Variants in GRIA4 observed in about 807,000 individuals in gnomAD.
GRIA4 encodes glutamate ionotropic receptor AMPA type subunit 4.
Under a neutral mutation model 104.0 loss-of-function variants are expected in GRIA4, and 34 were observed. The observed-to-expected ratio is 0.33, with a 90% CI of 0.25 to 0.44. GRIA4 has a LOEUF of 0.44. Among genes scored for constraint, GRIA4 ranks in the 20% least tolerant of loss-of-function variants. The pLI is 1.00. For missense variants in GRIA4, 750 were observed against 1,096.5 expected (o/e 0.68, Z 4.46); for synonymous variants, 386 against 381.9 (o/e 1.01, Z -0.13).
intron 4 of GRIA4, among the ~76,000 whole-genome samples, chr11:105,811,594 CTG>C (rs1943175820): frequency 6.6e-6 from 1 of 152,068 alleles, no homozygotes; most frequent in Non-Finnish European, 1.5e-5. Context: ...AAAAATGAGA[CTG>C]GGGTTGAGCT....
intron 4 of GRIA4, among the ~76,000 whole-genome samples, chr11:105,857,609 T>G (rs969470805): frequency 6.6e-6 from 1 of 152,128 alleles, no homozygotes; most frequent in African/African-American, 2.4e-5. Flanking sequence ...TGATATTCCC[T>G]GATTATTTCC....
intron 4 of GRIA4, among the ~76,000 whole-genome samples, chr11:105,758,405 T>C (rs916981501): frequency 2.6e-5 from 4 of 152,184 alleles, no homozygotes; most frequent in South Asian, 2.1e-4. Flanking sequence ...TTTTCTTATA[T>C]GAAAATAAGG....
At chr11:105,630,375 C>T (rs554531950) in intron 3 of GRIA4, among the ~76,000 whole-genome samples, 2 of 122,750 alleles carry the variant, frequency 1.6e-5, no homozygotes, top group South Asian at 6.4e-4. Flanking sequence ...ACCAGCCTGA[C>T]TGACATGGTG....
chr11:105,795,119 G>A (rs544425570), intron 4 of GRIA4, among the ~76,000 whole-genome samples: 67 of 152,176 alleles, frequency 4.4e-4, no homozygotes, highest in Non-Finnish European at 7.6e-4. Context: ...ATGCTGGTGC[G>A]CTGCATAACT....
In GRIA4 at chr11:105,658,783, A is replaced by G. The variant is rs375754631; in HGVS notation, c.247+46349A>G. Among the ~76,000 whole-genome samples, 527 of 151,986 alleles carry G rather than the reference A, an allele frequency of 3.5e-3. 5 individuals carry two copies. Among genetic ancestry groups the G allele is most frequent in the African/African-American group, 0.012 (488 of 41,508 alleles). On this transcript the variant is annotated intron_variant, in intron 3 of 16. Transcript: ENST00000282499. Reference sequence around the variant, plus strand: ...TTTGAGGAAATTTCTAAGAGATGTTATTTGTGAGAAAGTAACAAAATATAA... The same window carrying G: ...TTTGAGGAAATTTCTAAGAGATGTTGTTTGTGAGAAAGTAACAAAATATAA...
At chr11:105,661,813 G>C (rs1952018821) in intron 3 of GRIA4, among the ~76,000 whole-genome samples, 1 of 151,708 alleles carries the variant, frequency 6.6e-6, no homozygotes, top group South Asian at 2.1e-4. Context: ...AACAGGACTA[G>C]AGAAAGATAG....
intron 14 of GRIA4, chr11:105,945,489 C>G: frequency 1.0e-6 from 1 of 962,460 alleles, no homozygotes; most frequent in Non-Finnish European, 1.2e-6. Flanking sequence ...AACTAACCAG[C>G]TCCAGGACCA....
chr11:105,668,620 T>G (rs1050347053), intron 3 of GRIA4, among the ~76,000 whole-genome samples: 2 of 151,096 alleles, frequency 1.3e-5, no homozygotes, highest in African/African-American at 4.9e-5. Context: ...CACCCACCCA[T>G]CAGTATACAA....
chr11:105,780,545 T>C (rs1389279112), intron 4 of GRIA4, among the ~76,000 whole-genome samples: 2 of 152,110 alleles, frequency 1.3e-5, no homozygotes, highest in Non-Finnish European at 2.9e-5. Context: ...TTTTTAGGTA[T>C]TGTATACAAA....
rs912755899 is a variant in GRIA4, at chr11:105,611,160, G to C, written c.88+75G>C. The C allele has an allele frequency of 3.9e-5, 39 of 1,011,504 alleles. No homozygotes were observed. In the Admixed American group the frequency reaches 6.8e-4, roughly 18 times the overall value. 62.7% of individuals were successfully genotyped at this position (1,011,504 alleles called of 1,614,324 possible). On this transcript the variant is annotated intron_variant, in intron 2 of 16. Coordinates refer to ENST00000282499, the MANE Select transcript of GRIA4 (RefSeq NM_000829.4). ...CCGAAAGTGAGTTAAATGAGTTGCT[G>C]ATAAGCAATTCAGGGAAACCTTCAG...
chr11:105,932,885 T>G (rs1775219480), intron 13 of GRIA4, among the ~76,000 whole-genome samples: 1 of 152,104 alleles, frequency 6.6e-6, no homozygotes, highest in Non-Finnish European at 1.5e-5. Context: ...TGGACTGTAT[T>G]TTTGTATATA....
rs577261018 is a variant in GRIA4 at position 105,960,298 on chromosome 11, T to C, written c.2295-11616T>C. ...CCCAGGGAGATGCTAATTCTGTCCC[T>C]GAGCCTCTGGCTGGAGTTACTGGAG... On this transcript the variant is annotated intron_variant, in intron 14 of 16. Coordinates refer to ENST00000282499, the MANE Select transcript of GRIA4 (RefSeq NM_000829.4). Among the ~76,000 whole-genome samples, 5 of 152,338 alleles carry C rather than the reference T, an allele frequency of 3.3e-5. No individual in the cohort carries two copies. The East Asian group carries it at 7.8e-4, about 24-fold the overall frequency.
At chr11:105,723,832 A>T (rs1938002379) in intron 3 of GRIA4, among the ~76,000 whole-genome samples, 1 of 152,138 alleles carries the variant, frequency 6.6e-6, no homozygotes, top group Non-Finnish European at 1.5e-5. Flanking sequence ...AATGAACTCA[A>T]TGCAGCGTCA....
chr11:105,859,221 AT>A (rs1180262883), intron 4 of GRIA4, among the ~76,000 whole-genome samples: 1 of 152,216 alleles, frequency 6.6e-6, no homozygotes, highest in African/African-American at 2.4e-5. Context: ...AAGAGAGCAT[AT>A]TAGAATCAAA....
At chr11:105,792,679 G>A (rs964769055) in intron 4 of GRIA4, among the ~76,000 whole-genome samples, 1 of 151,930 alleles carries the variant, frequency 6.6e-6, no homozygotes, top group African/African-American at 2.4e-5. Context: ...TCAATAAAAG[G>A]AATGGCGGTT....
chr11:105,688,206 T>G (rs1952961732), intron 3 of GRIA4, among the ~76,000 whole-genome samples: 3 of 143,066 alleles, frequency 2.1e-5, no homozygotes, highest in Admixed American at 1.4e-4. Context: ...ATATGCTAAC[T>G]GGCACATTTC....
intron 3 of GRIA4, among the ~76,000 whole-genome samples, chr11:105,743,852 T>C (rs1939481662): frequency 6.6e-6 from 1 of 152,138 alleles, no homozygotes; most frequent in Non-Finnish European, 1.5e-5. Context: ...CTCTTCTTCA[T>C]CCTCCTCATT....
At chr11:105,750,409 A>G (rs1322643478) in intron 3 of GRIA4, among the ~76,000 whole-genome samples, 1 of 152,174 alleles carries the variant, frequency 6.6e-6, no homozygotes, top group African/African-American at 2.4e-5. Context: ...CGAGTGACAG[A>G]ATACATCAGA....
intron 14 of GRIA4, among the ~76,000 whole-genome samples, chr11:105,942,027 G>A (rs1048689071): frequency 2.6e-5 from 4 of 152,070 alleles, no homozygotes; most frequent in African/African-American, 4.8e-5. Context: ...TTATCAGCAA[G>A]TATACCTATT....
Sources: allele counts gnomAD v4.1 joint callset (sites outside exome capture counted in the v4.1 genomes callset), GRCh38; gene constraint gnomAD v4.1.1; transcripts MANE v1.5; gene names NCBI Gene and HGNC (gene_info 2026-07-23, HGNC 2026-07-21).